Variants in ZFP64 observed in about 807,000 individuals in gnomAD.
The protein encoded by ZFP64 is ZFP64 zinc finger protein.
Under a neutral mutation model 51.6 loss-of-function variants are expected in ZFP64, and 14 were observed. That is an observed-to-expected ratio of 0.27 (90% CI 0.18 to 0.42). ZFP64 has a LOEUF of 0.42. Among genes scored for constraint, ZFP64 ranks in the 10% least tolerant of loss-of-function variants. The probability of loss-of-function intolerance (pLI) is 1.00; values close to 1 mark genes in which losing one functional copy is unlikely to be tolerated. For synonymous variants in ZFP64, 375 were observed against 361.4 expected, an observed-to-expected ratio of 1.04 and a Z score of -0.43; for missense variants, 754 against 906.8, an observed-to-expected ratio of 0.83 and a Z score of 2.16.
chr20:52,123,054 G>C (rs551698680), intron 5 of ZFP64, among the ~76,000 whole-genome samples: 1 of 151,868 alleles, frequency 6.6e-6, no homozygotes, highest in South Asian at 2.1e-4. Context: ...GTGGTGGTGC[G>C]ATCTTGGCTC....
Position 52,153,611 on chromosome 20 carries a change from C to T in ZFP64, c.764-183G>A, listed in dbSNP as rs541549955. Among the ~76,000 whole-genome samples the T allele has an allele frequency of 2.4e-4, 37 of 152,216 alleles. No individual in the cohort carries two copies. The Middle Eastern group carries it at 0.01, about 42-fold the overall frequency. Reference sequence around the variant, plus strand: ...GGGCGTCTTTATCTTTCCCCGGAACCCAAACCACCACCACCGGTATCAAAC... The same window carrying T: ...GGGCGTCTTTATCTTTCCCCGGAACTCAAACCACCACCACCGGTATCAAAC... On this transcript the variant is annotated intron_variant, in intron 5 of 5. Coordinates refer to ENST00000216923, the MANE Select transcript of ZFP64 (RefSeq NM_018197.3). The surrounding 1 kb of genome is among the most constrained non-coding windows in gnomAD (Gnocchi z 5.1).
intron 2 of ZFP64, among the ~76,000 whole-genome samples, chr20:52,184,752 G>C (rs1363889851): frequency 6.6e-6 from 1 of 151,998 alleles, no homozygotes; most frequent in Non-Finnish European, 1.5e-5. Context: ...TTAGCCTCCT[G>C]AGCAGCTAGG....
chr20:52,097,458 T>G, intron 6 of ZFP64: 1 of 1,556,938 alleles, frequency 6.4e-7, no homozygotes, highest in Admixed American at 1.9e-5. Context: ...AATAGATTTT[T>G]TTTTTTTTTT....
intron 5 of ZFP64, among the ~76,000 whole-genome samples, chr20:52,135,320 C>T (rs549771538): frequency 1.3e-5 from 2 of 152,292 alleles, no homozygotes; most frequent in Non-Finnish European, 2.9e-5. Context: ...GGCTATTTCC[C>T]TGCTACCCCA....
chr20:52,098,497 G>A (rs1373957786), exon 6 of ZFP64: 2 of 1,614,160 alleles, frequency 1.2e-6, no homozygotes, highest in South Asian at 2.2e-5. Context: ...CCTTGCCTCT[G>A]AGGGAAGAGT....
chr20:52,188,980 A>G lies in ZFP64; in HGVS notation c.47-1909T>C, dbSNP rs191185571. The stretch of plus-strand genomic sequence containing the variant: ...GACAGAGCGAGACTCCGTCTCACAT[A>G]AAAAAAAAAAGATAACTCGTGTTTA... On this transcript the variant is annotated intron_variant, in intron 1 of 5. Transcript: ENST00000216923. Among the ~76,000 whole-genome samples, 21 of 147,120 alleles carry G rather than the reference A, an allele frequency of 1.4e-4. No homozygotes were observed. In the East Asian group the frequency reaches 3.0e-3, roughly 21 times the overall value.
rs911379127 is a variant in ZFP64 at position 52,153,224 on chromosome 20, A to G, written c.968T>C (p.Leu323Pro). ...NNFKCPHCDF[L>P]GDSKATLRKH... Reference sequence around the variant, plus strand: ...CCGGAGGGTGGCTTTGCTGTCACCCAGGAAGTCGCAATGAGGACACTTGAA... The same window carrying G: ...CCGGAGGGTGGCTTTGCTGTCACCCGGGAAGTCGCAATGAGGACACTTGAA... The change falls in exon 6 of 6, where the codon CTG becomes CCG. Residue 323 changes from leucine (L) to proline (P), a missense_variant. By Grantham distance (98) the Leu-to-Pro change is moderately conservative. Around this residue, in one of 3 missense-constraint regions of ZFP64, gnomAD observed 231 missense variants for 336.7 expected, o/e 0.69. Coordinates refer to ENST00000216923, the MANE Select transcript of ZFP64 (RefSeq NM_018197.3). The surrounding 1 kb of genome is among the most constrained non-coding windows in gnomAD (Gnocchi z 5.1). 6.2e-6 allele frequency: 10 copies of G among 1,614,232 alleles called. No individual in the cohort carries two copies. Among genetic ancestry groups the G allele is most frequent in the Non-Finnish European group, 8.5e-6 (10 of 1,180,020 alleles).
intron 6 of ZFP64, among the ~76,000 whole-genome samples, chr20:52,097,953 A>C (rs1284666750): frequency 6.6e-6 from 1 of 152,080 alleles, no homozygotes; most frequent in Non-Finnish European, 1.5e-5. Context: ...CTGTAGTCCC[A>C]ACTACTCAGG....
intron 7 of ZFP64, chr20:52,096,705 A>G (rs1379247430): frequency 5.3e-6 from 1 of 187,450 alleles, no homozygotes; most frequent in African/African-American, 2.3e-5. Context: ...CCTGGCCAAC[A>G]TGGCAAAACC....
In ZFP64 at chr20:52,186,813, C is replaced by T; in HGVS notation, c.286+19G>A. On this transcript the variant is annotated intron_variant, in intron 2 of 5. Transcript: ENST00000216923. ...CAGCCAGGCCAATTCTGGCCGACTCCCCCATGCTCCAGCTGTACCTGTGAT... is the reference window on the plus strand; with the variant it reads ...CAGCCAGGCCAATTCTGGCCGACTCTCCCATGCTCCAGCTGTACCTGTGAT... 6.3e-7 allele frequency: 1 copy of T among 1,588,714 alleles called. No homozygotes were observed. The highest frequency in any genetic ancestry group is 2.3e-5 in the East Asian group (1 of 44,220).
intron 5 of ZFP64, among the ~76,000 whole-genome samples, chr20:52,103,753 A>T (rs1276703173): frequency 6.6e-6 from 1 of 152,178 alleles, no homozygotes; most frequent in East Asian, 1.9e-4. Flanking sequence ...AGGGGACGGG[A>T]TCCTGTAAGT....
At chr20:52,084,348 AGAGACAAATGCGAG>A (rs2078841209) in exon 9 of ZFP64, 1 of 567,100 alleles carries the variant, frequency 1.8e-6, no homozygotes, top group African/African-American at 1.9e-5. Context: ...CTTGGAGGGA[AGAGACAAATGCGAG>A]GAGTGTCTCC....
intron 5 of ZFP64, among the ~76,000 whole-genome samples, chr20:52,134,319 T>A (rs1446145082): frequency 6.6e-6 from 1 of 152,240 alleles, no homozygotes; most frequent in Non-Finnish European, 1.5e-5. Flanking sequence ...GAAGCTTGCC[T>A]GTTCTGTTTC....
intron 5 of ZFP64, among the ~76,000 whole-genome samples, chr20:52,099,631 T>TA (rs1375813350): frequency 6.6e-6 from 1 of 152,212 alleles, no homozygotes; most frequent in African/African-American, 2.4e-5. Flanking sequence ...AATTAGAGTT[T>TA]AAAGAGCATT....
chr20:52,179,238 T>C (rs1209566826), intron 2 of ZFP64, among the ~76,000 whole-genome samples: 1 of 152,222 alleles, frequency 6.6e-6, no homozygotes, highest in Non-Finnish European at 1.5e-5. Flanking sequence ...CTGCCATGAC[T>C]GTGAGACCTC....
chr20:52,109,353 G>A (rs1170148835), intron 5 of ZFP64, among the ~76,000 whole-genome samples: 3 of 151,932 alleles, frequency 2.0e-5, no homozygotes, highest in Admixed American at 1.3e-4. Context: ...TAGTAGAGAC[G>A]GGGTTTCACC....
At chr20:52,131,651 G>T (rs1464428653) in intron 5 of ZFP64, among the ~76,000 whole-genome samples, 1 of 152,122 alleles carries the variant, frequency 6.6e-6, no homozygotes, top group African/African-American at 2.4e-5. Flanking sequence ...ATAAAGGGGT[G>T]AATTCAGCAA....
intron 5 of ZFP64, among the ~76,000 whole-genome samples, chr20:52,113,413 C>A (rs1240703125): frequency 6.7e-6 from 1 of 149,464 alleles, no homozygotes; most frequent in Non-Finnish European, 1.5e-5. Flanking sequence ...TGTACCCTTG[C>A]CAGGAATTCT....
chr20:52,135,840 T>C (rs1434605328), intron 5 of ZFP64, among the ~76,000 whole-genome samples: 2 of 151,818 alleles, frequency 1.3e-5, no homozygotes, highest in Non-Finnish European at 2.9e-5. Flanking sequence ...GGCTCACGCC[T>C]GTAATGCCAG....
Sources: allele counts gnomAD v4.1 joint callset (sites outside exome capture counted in the v4.1 genomes callset), GRCh38; gene constraint gnomAD v4.1.1; regional missense constraint gnomAD v4.1.1; non-coding constraint Gnocchi (gnomAD v3.1); transcripts MANE v1.5; gene names NCBI Gene and HGNC (gene_info 2026-07-23, HGNC 2026-07-21).